The following GPR149 variants were observed in gnomAD, a reference collection of about 807,000 sequenced individuals.
The protein encoded by GPR149 is probable G protein-coupled receptor 149.
A neutral mutation model predicts 50.2 loss-of-function variants in GPR149; 50 were observed. The ratio of observed to expected loss-of-function variants is 1.00; its 90% CI spans 0.79 to 1.26. The LOEUF is 1.26. Among genes scored for constraint, GPR149 ranks in the 50% most tolerant of loss-of-function variants. The pLI is 0.00. For synonymous variants in GPR149, 405 were observed against 358.2 expected, an observed-to-expected ratio of 1.13 and a Z score of -1.48; for missense variants, 983 against 895.4, an observed-to-expected ratio of 1.10 and a Z score of -1.25.
intron 3 of GPR149, among the ~76,000 whole-genome samples, chr3:154,367,409 A>G (rs888025067): frequency 2.0e-5 from 3 of 151,846 alleles, no homozygotes; most frequent in Non-Finnish European, 4.4e-5. Flanking sequence ...TATGCTTCCA[A>G]TTCCAATTCC....
rs1714529927 is a variant in GPR149 at position 154,366,290 on chromosome 3, GAT to G, written c.1624-28021_1624-28020del. Reference sequence around the variant, plus strand: ...AAGACTGATCTCCTTGAGGCAATAAGATATCATATTAGAACCTACTCTGGTAC... The same window carrying G: ...AAGACTGATCTCCTTGAGGCAATAAGATCATATTAGAACCTACTCTGGTAC... On this transcript the variant is annotated intron_variant, in intron 3 of 3. Transcript: ENST00000389740. 3.3e-5 allele frequency among the ~76,000 whole-genome samples: 5 copies of G among 152,170 alleles called. No homozygotes were observed. In the South Asian group the frequency reaches 1.0e-3, roughly 32 times the overall value.
At chr3:154,379,812 G>A (rs1714874193) in intron 3 of GPR149, among the ~76,000 whole-genome samples, 1 of 152,052 alleles carries the variant, frequency 6.6e-6, no homozygotes, top group Non-Finnish European at 1.5e-5. Context: ...CTTTATGCCA[G>A]TCATGAACTG....
rs1369038632 is a variant in GPR149, at chr3:154,425,532, A to G, written c.1174+1984T>C. Among the ~76,000 whole-genome samples, 7 of 152,014 alleles carry G rather than the reference A, an allele frequency of 4.6e-5. No homozygotes were observed. The East Asian group carries it at 7.7e-4, about 17-fold the overall frequency. On this transcript the variant is annotated intron_variant, in intron 2 of 3. Transcript: ENST00000389740. Reference sequence around the variant, plus strand: ...GAAACACATCATTGTTATTATCAGAATTTTCTGATATCACAGCCTGGATCA... The same window carrying G: ...GAAACACATCATTGTTATTATCAGAGTTTTCTGATATCACAGCCTGGATCA...
chr3:154,370,779 T>C (rs1714646572), intron 3 of GPR149, among the ~76,000 whole-genome samples: 1 of 152,194 alleles, frequency 6.6e-6, no homozygotes. Context: ...AGTCCATTAC[T>C]ATCCGAGGAA....
At chr3:154,414,493 T>C (rs1268833386) in intron 3 of GPR149, among the ~76,000 whole-genome samples, 2 of 151,962 alleles carry the variant, frequency 1.3e-5, no homozygotes, top group Non-Finnish European at 1.5e-5. Context: ...CTAAAGTTAG[T>C]TGGCAAGTTG....
At chr3:154,399,080 C>T (rs1715360986) in intron 3 of GPR149, among the ~76,000 whole-genome samples, 1 of 152,170 alleles carries the variant, frequency 6.6e-6, no homozygotes, top group Non-Finnish European at 1.5e-5. Flanking sequence ...ACACTAAATG[C>T]TAGTCCCAAC....
chr3:154,405,455 G>T (rs1711658805), intron 3 of GPR149, among the ~76,000 whole-genome samples: 1 of 151,988 alleles, frequency 6.6e-6, no homozygotes, highest in South Asian at 2.1e-4. Context: ...GGGCATGGTG[G>T]CTTGCGCCTG....
intron 3 of GPR149, among the ~76,000 whole-genome samples, chr3:154,402,100 AAAT>A (rs945125199): frequency 3.9e-5 from 6 of 152,188 alleles, no homozygotes; most frequent in African/African-American, 7.2e-5. Flanking sequence ...TTTAAAATAA[AAAT>A]AATGAGAGAT....
At chr3:154,410,303 C>T (rs1711800746) in intron 3 of GPR149, among the ~76,000 whole-genome samples, 1 of 151,896 alleles carries the variant, frequency 6.6e-6, no homozygotes, top group Admixed American at 6.6e-5. Flanking sequence ...CTCATAGGAC[C>T]TATATAACAA....
At chr3:154,384,408 A>G (rs774215018) in intron 3 of GPR149, among the ~76,000 whole-genome samples, 2 of 152,230 alleles carry the variant, frequency 1.3e-5, no homozygotes, top group Non-Finnish European at 2.9e-5. Context: ...AAACAACATC[A>G]GTGAGAAATA....
chr3:154,395,343 C>T (rs890687125), intron 3 of GPR149, among the ~76,000 whole-genome samples: 2 of 150,874 alleles, frequency 1.3e-5, no homozygotes, highest in Admixed American at 6.6e-5. Flanking sequence ...AACATATACA[C>T]TCTACCAGTT....
In GPR149 at chr3:154,354,187, T is replaced by C. The variant is rs1210717367; in HGVS notation, c.1624-15916A>G. The C allele has an allele frequency of 8.1e-6, 4 of 496,050 alleles. No individual in the cohort carries two copies. The Admixed American group carries it at 1.2e-4, about 15-fold the overall frequency. 30.7% of individuals were successfully genotyped at this position (496,050 alleles called of 1,614,324 possible). On this transcript the variant is annotated intron_variant, in intron 3 of 3. Coordinates refer to ENST00000389740, the MANE Select transcript of GPR149 (RefSeq NM_001038705.3). ...CCAGGTCATCTATAACAACATTTTC[T>C]CTTGTTTTTGATTTCTCATCTGGGT...
chr3:154,335,996 A>G lies in GPR149; in HGVS notation c.*1703T>C, dbSNP rs1224483643. On this transcript the variant is annotated 3_prime_UTR_variant, in exon 4 of 4. Coordinates refer to ENST00000389740, the MANE Select transcript of GPR149 (RefSeq NM_001038705.3). Reference sequence around the variant, plus strand: ...TAAAGACATTTAATGCTACTGATTTATAATATCTGATTTATCTGTCCATTT... The same window carrying G: ...TAAAGACATTTAATGCTACTGATTTGTAATATCTGATTTATCTGTCCATTT... The G allele has an allele frequency of 6.6e-6, 1 of 152,146 alleles. No individual in the cohort carries two copies. Among genetic ancestry groups the G allele is most frequent in the Non-Finnish European group, 1.5e-5 (1 of 67,954 alleles). 9.4% of individuals were successfully genotyped at this position (152,146 alleles called of 1,614,324 possible).
At chr3:154,354,073 A>C (rs543727541) in intron 3 of GPR149, 4 of 461,590 alleles carry the variant, frequency 8.7e-6, no homozygotes, top group Non-Finnish European at 1.7e-5. Flanking sequence ...TATGAGATTT[A>C]GAGAATTTAT....
At chr3:154,363,255 G>A (rs1009913993) in intron 3 of GPR149, among the ~76,000 whole-genome samples, 1 of 151,988 alleles carries the variant, frequency 6.6e-6, no homozygotes, top group Admixed American at 6.6e-5. Flanking sequence ...ATTTATTCCG[G>A]GCTGTGATGT....
rs953859486 is a variant in GPR149, at chr3:154,351,249, C to T, written c.1624-12978G>A. Among the ~76,000 whole-genome samples the T allele has an allele frequency of 8.7e-5, 9 of 103,866 alleles. No homozygotes were observed. The Admixed American group carries it at 1.1e-3, about 13-fold the overall frequency. The allele number at this position is 103,866 out of a possible 152,430, so 68.1% of individuals were successfully genotyped here. ...CTGACTTTTTACAAAGGTACAAAAA[C>T]AATTCAATGGAGGAAAGTTAGCCTT... is the stretch of plus-strand genomic sequence containing the variant. On this transcript the variant is annotated intron_variant, in intron 3 of 3. Coordinates refer to ENST00000389740, the MANE Select transcript of GPR149 (RefSeq NM_001038705.3).
chr3:154,400,622 C>CT (rs1711531993), intron 3 of GPR149, among the ~76,000 whole-genome samples: 1 of 152,186 alleles, frequency 6.6e-6, no homozygotes, highest in Admixed American at 6.5e-5. Context: ...CCTGATACCA[C>CT]TGTACTATGT....
chr3:154,386,351 A>G (rs1033129072), intron 3 of GPR149, among the ~76,000 whole-genome samples: 4 of 152,190 alleles, frequency 2.6e-5, no homozygotes, highest in African/African-American at 9.7e-5. Flanking sequence ...ATGTCTGTCT[A>G]CCTTTGTTTG....
chr3:154,359,700 T>C (rs866552959), intron 3 of GPR149, among the ~76,000 whole-genome samples: 50 of 152,310 alleles, frequency 3.3e-4, no homozygotes, highest in Admixed American at 2.5e-3. Flanking sequence ...AAACTTCTCT[T>C]CAAGTCCTCT....
Sources: allele counts gnomAD v4.1 joint callset (sites outside exome capture counted in the v4.1 genomes callset), GRCh38; gene constraint gnomAD v4.1.1; transcripts MANE v1.5; gene names NCBI Gene and HGNC (gene_info 2026-07-23, HGNC 2026-07-21).